ZBTB20: variants seen among roughly 807,000 people sequenced by gnomAD.
ZBTB20 encodes zinc finger and BTB domain-containing protein 20.
Under a neutral mutation model 56.9 loss-of-function variants are expected in ZBTB20, and 9 were observed. The ratio of observed to expected loss-of-function variants is 0.16; its 90% CI spans 0.10 to 0.28. The LOEUF (loss-of-function observed/expected upper bound fraction) is 0.28, where lower values mean the gene tolerates loss of function less well. ZBTB20 is among the 10% of genes least tolerant of loss of function. The pLI, the probability that ZBTB20 is intolerant of heterozygous loss-of-function variation, is 1.00. For synonymous variants in ZBTB20, 417 were observed against 420.7 expected, an observed-to-expected ratio of 0.99 and a Z score of 0.11; for missense variants, 655 against 1,003.0, an observed-to-expected ratio of 0.65 and a Z score of 4.69.
At chr3:114,923,274 T>C (rs966667343) in intron 3 of ZBTB20, among the ~76,000 whole-genome samples, 1 of 152,188 alleles carries the variant, frequency 6.6e-6, no homozygotes, top group Non-Finnish European at 1.5e-5. Flanking sequence ...CATAGCAATC[T>C]TGAAAAGGAA....
intron 4 of ZBTB20, among the ~76,000 whole-genome samples, chr3:114,828,305 A>G (rs2073658297): frequency 6.6e-6 from 1 of 151,682 alleles, no homozygotes; most frequent in Non-Finnish European, 1.5e-5. Context: ...ACACGTTCCA[A>G]CAGGATGACA....
intron 5 of ZBTB20, among the ~76,000 whole-genome samples, chr3:114,718,870 T>C (rs984219369): frequency 5.9e-5 from 9 of 151,932 alleles, no homozygotes; most frequent in Non-Finnish European, 1.2e-4. Flanking sequence ...GAGAACATAG[T>C]AGCAAAATTC....
At chr3:115,048,407 C>G (rs780845425) in intron 2 of ZBTB20, among the ~76,000 whole-genome samples, 46 of 152,076 alleles carry the variant, frequency 3.0e-4, no homozygotes, top group Non-Finnish European at 6.2e-4. Context: ...CATTTTGAGA[C>G]CATTTCAAGG....
At chr3:114,690,441 A>G (rs1057067632) in intron 6 of ZBTB20, among the ~76,000 whole-genome samples, 7 of 152,168 alleles carry the variant, frequency 4.6e-5, no homozygotes, top group Non-Finnish European at 1.5e-5. Context: ...CTGACCTACA[A>G]TTCAAAGACA....
chr3:114,357,550 C>T (rs1184570849), intron 10 of ZBTB20, among the ~76,000 whole-genome samples: 1 of 151,954 alleles, frequency 6.6e-6, no homozygotes, highest in Non-Finnish European at 1.5e-5. Flanking sequence ...TTTAAAGGTC[C>T]TTGGTTTTAT....
At chr3:114,565,856 T>C (rs1378789344) in intron 6 of ZBTB20, among the ~76,000 whole-genome samples, 3 of 152,122 alleles carry the variant, frequency 2.0e-5, no homozygotes, top group South Asian at 2.1e-4. Flanking sequence ...CCCAGTAAGA[T>C]GTTGTCATGC....
At chr3:115,099,963 G>C (rs2108602314) in intron 1 of ZBTB20, among the ~76,000 whole-genome samples, 1 of 152,106 alleles carries the variant, frequency 6.6e-6, no homozygotes, top group Admixed American at 6.5e-5. Flanking sequence ...AATCACAAGG[G>C]CACACCCCTA....
At chr3:114,727,300 T>A (rs1578557984) in intron 5 of ZBTB20, among the ~76,000 whole-genome samples, 1 of 152,196 alleles carries the variant, frequency 6.6e-6, no homozygotes, top group Non-Finnish European at 1.5e-5. Context: ...AAGGTGGAAT[T>A]TTTATTCCAA....
At chr3:114,980,763 C>A (rs552349948) in intron 2 of ZBTB20, among the ~76,000 whole-genome samples, 12 of 151,884 alleles carry the variant, frequency 7.9e-5, no homozygotes, top group African/African-American at 2.9e-4. Flanking sequence ...TAAAAAATCA[C>A]CATTTTCTCC....
chr3:115,059,798 T>A (rs1428172758), intron 2 of ZBTB20, among the ~76,000 whole-genome samples: 2 of 152,226 alleles, frequency 1.3e-5, no homozygotes, highest in African/African-American at 4.8e-5. Flanking sequence ...CATAAAATTT[T>A]TTCTATGCAA....
intron 7 of ZBTB20, among the ~76,000 whole-genome samples, chr3:114,429,213 T>A (rs1436885211): frequency 6.6e-6 from 1 of 152,216 alleles, no homozygotes; most frequent in African/African-American, 2.4e-5. Context: ...TAGTTTGTGC[T>A]GTTTCAAAAA....
chr3:114,959,716 T>TACACAC (rs1356999465), intron 3 of ZBTB20, among the ~76,000 whole-genome samples: 2 of 107,794 alleles, frequency 1.9e-5, no homozygotes, highest in Non-Finnish European at 4.0e-5. Flanking sequence ...TATATTTATA[T>TACACAC]ACATACACAC....
chr3:115,061,407 A>G (rs1560536855), intron 2 of ZBTB20, among the ~76,000 whole-genome samples: 2 of 152,216 alleles, frequency 1.3e-5, no homozygotes, highest in African/African-American at 4.8e-5. Context: ...TTTTAAAAAA[A>G]TTATGGTCAT....
chr3:114,836,037 C>T (rs2074104627), intron 4 of ZBTB20, among the ~76,000 whole-genome samples: 1 of 152,044 alleles, frequency 6.6e-6, no homozygotes, highest in Non-Finnish European at 1.5e-5. Flanking sequence ...AGACTTACAG[C>T]AAAGCTGCTA....
chr3:114,605,146 A>G (rs1204737431), intron 6 of ZBTB20, among the ~76,000 whole-genome samples: 1 of 152,150 alleles, frequency 6.6e-6, no homozygotes, highest in East Asian at 1.9e-4. Context: ...GGAGAAGCCT[A>G]TAAAGACAGT....
chr3:114,467,885 C>T lies in ZBTB20; in HGVS notation c.-255+32467G>A, dbSNP rs141261014. ...CCTAACTCCAAGGTATTGTGCTAAA[C>T]GCTGGGATCAGAAAAATTTCCATAA... On this transcript the variant is annotated intron_variant, in intron 7 of 11. Transcript: ENST00000675478. Among the ~76,000 whole-genome samples, 87 of 152,274 alleles carry T rather than the reference C, an allele frequency of 5.7e-4. No homozygotes were observed. The East Asian group carries it at 0.011, about 20-fold the overall frequency.
intron 7 of ZBTB20, among the ~76,000 whole-genome samples, chr3:114,410,413 C>T (rs2087817134): frequency 2.0e-5 from 3 of 152,018 alleles, no homozygotes; most frequent in African/African-American, 7.2e-5. Flanking sequence ...AGGAAAAGGA[C>T]ATTAGAGAGA....
rs144783979 is a variant in ZBTB20, at chr3:114,793,230, C to T, written c.-343+7871G>A. ...CAATAAGGCTGAGTACCTTCATAGG[C>T]CTTTACCTCTGATCACACTATAAGG... On this transcript the variant is annotated intron_variant, in intron 5 of 11. Coordinates refer to ENST00000675478, the MANE Select transcript of ZBTB20 (RefSeq NM_001348800.3). 1.9e-3 allele frequency among the ~76,000 whole-genome samples: 295 copies of T among 152,078 alleles called. 1 individual carries two copies. The highest frequency in any genetic ancestry group is 6.6e-3 in the African/African-American group (275 of 41,492).
At chr3:114,438,437 A>AAAC (rs2090682123) in intron 7 of ZBTB20, among the ~76,000 whole-genome samples, 1 of 82,656 alleles carries the variant, frequency 1.2e-5, no homozygotes, top group Non-Finnish European at 2.3e-5. Flanking sequence ...AAAAAAAACC[A>AAAC]AAAAAAAACA....
Sources: allele counts gnomAD v4.1 joint callset (sites outside exome capture counted in the v4.1 genomes callset), GRCh38; gene constraint gnomAD v4.1.1; transcripts MANE v1.5; gene names NCBI Gene and HGNC (gene_info 2026-07-23, HGNC 2026-07-21).